The following FLRT2 variants were observed in gnomAD, a reference collection of about 807,000 sequenced individuals.
FLRT2 encodes leucine-rich repeat transmembrane protein FLRT2.
FLRT2 carries 15 observed loss-of-function variants against 40.0 expected under a neutral mutation model. The observed-to-expected ratio is 0.38, with a 90% confidence interval of 0.25 to 0.58. The LOEUF (loss-of-function observed/expected upper bound fraction) is 0.58. Ranked by LOEUF, FLRT2 falls within the 20% of genes least tolerant of loss-of-function variation. The pLI is 0.71. For synonymous variants in FLRT2, 380 were observed against 336.8 expected (o/e 1.13, Z -1.41); for missense variants, 726 against 840.0 (o/e 0.86, Z 1.68).
intron 1 of FLRT2, among the ~76,000 whole-genome samples, chr14:85,599,391 CA>C (rs1181658729): frequency 6.6e-6 from 1 of 152,032 alleles, no homozygotes. Flanking sequence ...AGGGCGCTAC[CA>C]AAGATACAAC....
intron 1 of FLRT2, among the ~76,000 whole-genome samples, chr14:85,537,294 G>T (rs1268701376): frequency 3.3e-5 from 5 of 152,104 alleles, no homozygotes; most frequent in Non-Finnish European, 1.5e-5. Flanking sequence ...ACCATTATCT[G>T]ACATTTTCCA....
intron 1 of FLRT2, among the ~76,000 whole-genome samples, chr14:85,555,406 C>G (rs138675710): frequency 6.6e-6 from 1 of 152,126 alleles, no homozygotes; most frequent in Non-Finnish European, 1.5e-5. Context: ...GCCTCACAAT[C>G]ATAGTGGAAG....
At chr14:85,545,672 G>A (rs936566687) in intron 1 of FLRT2, among the ~76,000 whole-genome samples, 58 of 152,342 alleles carry the variant, frequency 3.8e-4, no homozygotes, top group African/African-American at 1.4e-3. Context: ...CATGGAAATA[G>A]TGAAGAATCA....
intron 1 of FLRT2, among the ~76,000 whole-genome samples, chr14:85,607,950 T>C (rs925533307): frequency 4.2e-5 from 6 of 143,640 alleles, no homozygotes; most frequent in Non-Finnish European, 7.4e-5. Context: ...ATTGTATTAA[T>C]AGATAGCCAT....
intron 1 of FLRT2, among the ~76,000 whole-genome samples, chr14:85,571,995 A>T (rs1448258027): frequency 6.6e-6 from 1 of 152,222 alleles, no homozygotes; most frequent in Admixed American, 6.5e-5. Context: ...CACTATTATT[A>T]TCTGACAGCT....
chr14:85,620,432 A>C (rs1341529949), intron 1 of FLRT2, among the ~76,000 whole-genome samples: 1 of 152,190 alleles, frequency 6.6e-6, no homozygotes, highest in Admixed American at 6.5e-5. Flanking sequence ...TATCACCTTC[A>C]TACTGTGTTC....
chr14:85,591,612 A>G (rs1465946455), intron 1 of FLRT2, among the ~76,000 whole-genome samples: 1 of 152,240 alleles, frequency 6.6e-6, no homozygotes, highest in Non-Finnish European at 1.5e-5. Context: ...AGGAAGTTAC[A>G]GAGCAGGTTG....
intron 1 of FLRT2, among the ~76,000 whole-genome samples, chr14:85,536,273 A>G (rs924368173): frequency 7.2e-5 from 11 of 152,116 alleles, no homozygotes; most frequent in African/African-American, 2.7e-4. Flanking sequence ...TCAAGTATGT[A>G]CAAGTCCAGA....
chr14:85,636,251 T>A lies in FLRT2; in HGVS notation c.*12754T>A, dbSNP rs1893996062. On this transcript the variant is annotated 3_prime_UTR_variant, in exon 2 of 2. Coordinates refer to ENST00000330753, the MANE Select transcript of FLRT2 (RefSeq NM_013231.6). ...CTATAAAGGACCAAAATAGTATTTT[T>A]AAAAGAATTTATCAAAGTAACTATA... 6.6e-6 allele frequency: 1 copy of A among 152,024 alleles called. No homozygotes were observed. Among genetic ancestry groups the A allele is most frequent in the Admixed American group, 6.6e-5 (1 of 15,256 alleles). The allele number at this position is 152,024 out of a possible 1,614,324, so 9.4% of individuals were successfully genotyped here. A position where few individuals can be genotyped will look rare whatever the true frequency, so the allele number is the denominator to read the frequency against.
At chr14:85,535,892 G>GTTTTTTTTTTTTT (rs71454768) in intron 1 of FLRT2, among the ~76,000 whole-genome samples, 4 of 57,890 alleles carry the variant, frequency 6.9e-5, no homozygotes, top group African/African-American at 1.1e-4. Context: ...AAGGAATGCT[G>GTTTTTTTTTTTTT]TTTTTTTTTT....
Position 85,621,893 on chromosome 14 carries a change from G to A in FLRT2, c.379G>A (p.Ala127Thr). 6.2e-7 allele frequency: 1 copy of A among 1,607,144 alleles called. No homozygotes were observed. Among genetic ancestry groups the A allele is most frequent in the Non-Finnish European group, 8.5e-7 (1 of 1,175,864 alleles). Residue 127 changes from alanine (A) to threonine (T), a missense_variant, in exon 2 of 2, where the codon GCT becomes ACT. Around this residue, in one of 3 missense-constraint regions of FLRT2, gnomAD observed 611 missense variants for 690.0 expected, o/e 0.89. Transcript: ENST00000330753. ...QENNIQTISR[A>T]ALAQLLKLEE... ...AAACAATATTCAGACCATTTCACGG[G>A]CTGCTCTTGCCCAGCTCTTGAAGCT... is the stretch of plus-strand genomic sequence containing the variant.
chr14:85,608,021 C>T (rs1039778495), intron 1 of FLRT2, among the ~76,000 whole-genome samples: 29 of 152,000 alleles, frequency 1.9e-4, no homozygotes, highest in Middle Eastern at 3.4e-3. Context: ...TCCTAATCTC[C>T]TCTTCCTGTA....
Position 85,638,116 on chromosome 14 carries a change from G to A in FLRT2, c.*14619G>A, listed in dbSNP as rs1238652090. 2 of 152,190 alleles carry A rather than the reference G, an allele frequency of 1.3e-5. No homozygotes were observed. The highest frequency in any genetic ancestry group is 1.5e-5 in the Non-Finnish European group (1 of 68,070). The allele number at this position is 152,190 out of a possible 1,614,324, so 9.4% of individuals were successfully genotyped here. ...TGTAACAATTACCGGTAGAGAATGG[G>A]ATAAAGGACAACTGAGTGTGGATAG... On this transcript the variant is annotated 3_prime_UTR_variant, in exon 2 of 2. Coordinates refer to ENST00000330753, the MANE Select transcript of FLRT2 (RefSeq NM_013231.6).
In FLRT2 at chr14:85,622,775, A is replaced by G. The variant is rs1566763856; in HGVS notation, c.1261A>G (p.Ile421Val). ...WDGRERVTPP[I>V]SERIQLSIHF... ...TGGCAGAGAAAGAGTGACCCCACCT[A>G]TTTCTGAACGGATCCAGCTCTCTAT... The change falls in exon 2 of 2, where the codon ATT (isoleucine) becomes GTT (valine). Residue 421 changes from isoleucine to valine, a missense_variant. By Grantham distance (29) the Ile-to-Val change is conservative. Around this residue, in one of 3 missense-constraint regions of FLRT2, gnomAD observed 611 missense variants for 690.0 expected, o/e 0.89. Transcript: ENST00000330753. 6.2e-7 allele frequency: 1 copy of G among 1,613,986 alleles called. No homozygotes were observed. Among genetic ancestry groups the G allele is most frequent in the Non-Finnish European group, 8.5e-7 (1 of 1,179,988 alleles).
chr14:85,612,277 C>G (rs1358201374), intron 1 of FLRT2, among the ~76,000 whole-genome samples: 1 of 152,024 alleles, frequency 6.6e-6, no homozygotes, highest in Non-Finnish European at 1.5e-5. Flanking sequence ...TGTGTATAAA[C>G]CTGTAAAAGG....
At chr14:85,551,258 T>A (rs1329076603) in intron 1 of FLRT2, among the ~76,000 whole-genome samples, 1 of 152,156 alleles carries the variant, frequency 6.6e-6, no homozygotes, top group Non-Finnish European at 1.5e-5. Context: ...ACCTTGTTGA[T>A]GGAGGAGCAG....
At chr14:85,566,525 A>G (rs1033392098) in intron 1 of FLRT2, among the ~76,000 whole-genome samples, 2 of 144,526 alleles carry the variant, frequency 1.4e-5, no homozygotes, top group Admixed American at 7.1e-5. Context: ...CTAAAGGAAC[A>G]CTCAGTCCTC....
intron 1 of FLRT2, among the ~76,000 whole-genome samples, chr14:85,574,090 G>A (rs183743239): frequency 4.6e-5 from 7 of 152,274 alleles, no homozygotes; most frequent in African/African-American, 1.4e-4. Flanking sequence ...CCAGGAAACC[G>A]TGAAGCATAC....
At chr14:85,572,513 A>G (rs1294339262) in intron 1 of FLRT2, among the ~76,000 whole-genome samples, 1 of 152,230 alleles carries the variant, frequency 6.6e-6, no homozygotes, top group Non-Finnish European at 1.5e-5. Context: ...CACGTCCCGT[A>G]TTCATGGCAG....
Sources: allele counts gnomAD v4.1 joint callset (sites outside exome capture counted in the v4.1 genomes callset), GRCh38; gene constraint gnomAD v4.1.1; regional missense constraint gnomAD v4.1.1; transcripts MANE v1.5; gene names NCBI Gene and HGNC (gene_info 2026-07-23, HGNC 2026-07-21).